Variants in GPC6 observed in about 807,000 individuals in gnomAD.
GPC6 encodes the protein glypican-6.
GPC6 carries 14 observed loss-of-function variants against 55.2 expected under a neutral mutation model. That is an observed-to-expected ratio of 0.25 (90% CI 0.17 to 0.40). GPC6 has a LOEUF of 0.40. Among genes scored for constraint, GPC6 ranks in the 10% least tolerant of loss-of-function variants. The pLI, the probability that GPC6 is intolerant of heterozygous loss-of-function variation, is 1.00. For missense variants in GPC6, 641 were observed against 708.5 expected (o/e 0.90, Z 1.08); for synonymous variants, 278 against 259.6 (o/e 1.07, Z -0.68).
At chr13:93,459,470 A>G (rs1309017979) in intron 1 of GPC6, among the ~76,000 whole-genome samples, 1 of 152,230 alleles carries the variant, frequency 6.6e-6, no homozygotes, top group Non-Finnish European at 1.5e-5. Context: ...ATCAGTTGTC[A>G]TTGAAATAAT....
intron 4 of GPC6, among the ~76,000 whole-genome samples, chr13:94,148,971 C>T (rs1887649024): frequency 6.6e-6 from 1 of 152,218 alleles, no homozygotes; most frequent in Non-Finnish European, 1.5e-5. Flanking sequence ...TACACACACA[C>T]AAAAATTGAG....
intron 6 of GPC6, among the ~76,000 whole-genome samples, chr13:94,314,150 G>A (rs1876400741): frequency 6.6e-6 from 1 of 152,190 alleles, no homozygotes; most frequent in South Asian, 2.1e-4. Flanking sequence ...AGTTAGACAT[G>A]CTATGTCTTC....
chr13:94,340,312 C>T (rs1188767352), intron 6 of GPC6, among the ~76,000 whole-genome samples: 3 of 151,812 alleles, frequency 2.0e-5, no homozygotes, highest in Non-Finnish European at 2.9e-5. Flanking sequence ...CTATGTAACT[C>T]CTCTGAAGAA....
intron 2 of GPC6, among the ~76,000 whole-genome samples, chr13:93,555,732 G>T (rs765393323): frequency 6.6e-6 from 1 of 152,136 alleles, no homozygotes. Context: ...ACACACAGGC[G>T]TGAATAAGAA....
intron 1 of GPC6, among the ~76,000 whole-genome samples, chr13:93,328,453 C>T (rs998241661): frequency 1.1e-4 from 16 of 152,002 alleles, no homozygotes; most frequent in African/African-American, 2.2e-4. Context: ...GCACAAGGAT[C>T]GCTTGAGCCC....
chr13:93,837,668 A>G (rs1983988), intron 3 of GPC6, among the ~76,000 whole-genome samples: 50,581 of 152,114 alleles, frequency 0.33, 8,875 homozygotes, highest in African/African-American at 0.44. Flanking sequence ...ATGAATACAT[A>G]TTCATTTATG....
intron 4 of GPC6, among the ~76,000 whole-genome samples, chr13:94,075,108 AGCTAT>A (rs2138787912): frequency 6.6e-6 from 1 of 152,332 alleles, no homozygotes; most frequent in African/African-American, 2.4e-5. Context: ...ATGTGATAGT[AGCTAT>A]ACACAATCAT....
At chr13:94,065,167 A>G (rs1186619534) in intron 4 of GPC6, among the ~76,000 whole-genome samples, 2 of 152,166 alleles carry the variant, frequency 1.3e-5, no homozygotes, top group African/African-American at 4.8e-5. Flanking sequence ...CACTTGTAAA[A>G]CGCATGGCAT....
chr13:94,286,913 C>T (rs989871264), intron 5 of GPC6, among the ~76,000 whole-genome samples: 5 of 150,920 alleles, frequency 3.3e-5, no homozygotes, highest in African/African-American at 4.8e-5. Flanking sequence ...TTAAACATCC[C>T]ATCTGACTTC....
intron 4 of GPC6, among the ~76,000 whole-genome samples, chr13:94,255,045 T>C (rs1048640471): frequency 1.3e-5 from 2 of 152,180 alleles, no homozygotes; most frequent in African/African-American, 4.8e-5. Context: ...CCTATTCCAC[T>C]TGAAAATTTA....
chr13:93,618,618 T>G (rs910984080), intron 2 of GPC6, among the ~76,000 whole-genome samples: 1 of 152,204 alleles, frequency 6.6e-6, no homozygotes, highest in Non-Finnish European at 1.5e-5. Context: ...TGAAAATTCA[T>G]GCCTGGCAGA....
At chr13:93,465,750 C>T (rs118012710) in intron 1 of GPC6, among the ~76,000 whole-genome samples, 68 of 152,354 alleles carry the variant, frequency 4.5e-4, no homozygotes, top group Non-Finnish European at 8.4e-4. Context: ...CCTTTGCATT[C>T]ACAGCTTGGC....
intron 6 of GPC6, among the ~76,000 whole-genome samples, chr13:94,348,527 T>C (rs9589961): frequency 0.24 from 36,791 of 152,138 alleles, 4,653 homozygotes; most frequent in South Asian, 0.39. Flanking sequence ...AACTCCCCTA[T>C]GTATTCCTGT....
chr13:94,108,544 A>T (rs9561502), intron 4 of GPC6, among the ~76,000 whole-genome samples: 34,987 of 151,990 alleles, frequency 0.23, 4,194 homozygotes, highest in East Asian at 0.33. Context: ...AGAAATTTTT[A>T]AAAAATACAT....
intron 6 of GPC6, among the ~76,000 whole-genome samples, chr13:94,346,330 G>A (rs1016648079): frequency 3.9e-5 from 6 of 152,198 alleles, no homozygotes; most frequent in African/African-American, 1.4e-4. Flanking sequence ...CTCATTACAT[G>A]TTGAATGCTG....
chr13:93,695,401 ATTGAAATGAAC>A (rs1304595760), intron 2 of GPC6, among the ~76,000 whole-genome samples: 1 of 151,998 alleles, frequency 6.6e-6, no homozygotes, highest in Non-Finnish European at 1.5e-5. Flanking sequence ...AAAATAGAGA[ATTGAAATGAAC>A]TTGAAAAACT....
chr13:94,367,432 A>G (rs1483607136), intron 6 of GPC6, among the ~76,000 whole-genome samples: 1 of 152,230 alleles, frequency 6.6e-6, no homozygotes, highest in Admixed American at 6.5e-5. Flanking sequence ...TTAATGCCAT[A>G]GGGAATGAGG....
intron 4 of GPC6, among the ~76,000 whole-genome samples, chr13:94,268,566 C>T (rs1167584402): frequency 6.6e-6 from 1 of 152,118 alleles, no homozygotes; most frequent in Non-Finnish European, 1.5e-5. Flanking sequence ...CAGGTGAGGA[C>T]ACAGATAGGA....
In GPC6 at chr13:93,738,412, A is replaced by G. The variant is rs528053377; in HGVS notation, c.320-91742A>G. ...CATAAAGAATGATTTGGGTCATTTCATGACAGTTTTTTCCCATATATTAGT... is the reference window on the plus strand; with the variant it reads ...CATAAAGAATGATTTGGGTCATTTCGTGACAGTTTTTTCCCATATATTAGT... On this transcript the variant is annotated intron_variant, in intron 2 of 8. Transcript: ENST00000377047. Among the ~76,000 whole-genome samples the G allele has an allele frequency of 1.2e-4, 18 of 152,316 alleles. No individual in the cohort carries two copies. In the South Asian group the frequency reaches 3.7e-3, roughly 32 times the overall value.
Sources: gnomAD v4.1 joint callset for allele counts (sites outside exome capture counted in the v4.1 genomes callset) on GRCh38, gnomAD v4.1.1 for gene constraint, MANE v1.5 for transcripts, NCBI Gene and HGNC (gene_info 2026-07-23, HGNC 2026-07-21) for gene names.